The following CRYBG3 variants were observed in gnomAD, a reference collection of about 807,000 sequenced individuals.
CRYBG3 encodes crystallin beta-gamma domain containing 3, also known as very large A-kinase anchor protein.
CRYBG3 carries 127 observed loss-of-function variants against 244.2 expected under a neutral mutation model. That is an observed-to-expected ratio of 0.52 (90% CI 0.45 to 0.60). The LOEUF (loss-of-function observed/expected upper bound fraction) is 0.60, where lower values mean the gene tolerates loss of function less well. Among genes scored for constraint, CRYBG3 ranks in the 20% least tolerant of loss-of-function variants. The pLI, the probability that CRYBG3 is intolerant of heterozygous loss-of-function variation, is 0.00. For missense variants in CRYBG3, 3,325 were observed against 3,442.5 expected (o/e 0.97, Z 0.85); for synonymous variants, 1,132 against 1,195.8 (o/e 0.95, Z 1.10).
chr3:97,915,463 G>A (rs930720208), intron 16 of CRYBG3, 147 bp from the exon 17 acceptor site: 1 of 617,190 alleles, frequency 1.6e-6, no homozygotes, highest in East Asian at 2.9e-5. Flanking sequence ...GGTAGCTGTT[G>A]TGTTTTTTGT....
At chr3:97,935,358 ACCTG>A (rs2040152025) in intron 18 of CRYBG3, among the ~76,000 whole-genome samples, 1 of 152,044 alleles carries the variant, frequency 6.6e-6, no homozygotes, top group Non-Finnish European at 1.5e-5. Flanking sequence ...GGTCATGCTG[ACCTG>A]CCTCTCCACC....
At chr3:97,907,081 T>C (rs1023149620) in intron 15 of CRYBG3, among the ~76,000 whole-genome samples, 1 of 152,184 alleles carries the variant, frequency 6.6e-6, no homozygotes, top group African/African-American at 2.4e-5. Context: ...CAGCCTTGCA[T>C]CCCAGGGATG....
At chr3:97,837,839 T>G (rs2038755877) in intron 1 of CRYBG3, among the ~76,000 whole-genome samples, 1 of 152,172 alleles carries the variant, frequency 6.6e-6, no homozygotes, top group Admixed American at 6.5e-5. Context: ...AAGACGCTTA[T>G]GGAAGCTGTA....
intron 15 of CRYBG3, among the ~76,000 whole-genome samples, chr3:97,910,158 A>T (rs537280714): frequency 6.6e-6 from 1 of 151,542 alleles, no homozygotes; most frequent in Non-Finnish European, 1.5e-5. Flanking sequence ...CAAAGCTGTC[A>T]GACAGGGACA....
chr3:97,914,365 G>T (rs1184082992), intron 16 of CRYBG3, among the ~76,000 whole-genome samples: 1 of 152,142 alleles, frequency 6.6e-6, no homozygotes, highest in Non-Finnish European at 1.5e-5. Flanking sequence ...CAAGATTTAG[G>T]ATCATTGTTA....
chr3:97,832,065 G>A lies in CRYBG3; in HGVS notation c.149+9710G>A, dbSNP rs529142496. ...TCCATAACCTAACCTCTCAATGATG[G>A]CTATGAGGAAATAATTGCTTGCTCG... On this transcript the variant is annotated intron_variant, in intron 1 of 21. Transcript: ENST00000389622. Among the ~76,000 whole-genome samples, 4 of 151,944 alleles carry A rather than the reference G, an allele frequency of 2.6e-5. No homozygotes were observed. In the South Asian group the frequency reaches 6.2e-4, roughly 24 times the overall value.
intron 1 of CRYBG3, among the ~76,000 whole-genome samples, chr3:97,824,868 A>T (rs1021002903): frequency 2.0e-5 from 3 of 152,216 alleles, no homozygotes; most frequent in African/African-American, 7.2e-5. Flanking sequence ...CAGTTTGAGA[A>T]TCACTGGTGC....
Position 97,877,792 on chromosome 3 carries a change from C to T in CRYBG3, c.6598C>T (p.Pro2200Ser), listed in dbSNP as rs185535219. 3.2e-4 allele frequency: 515 copies of T among 1,614,020 alleles called. 2 individuals carry two copies. Among genetic ancestry groups the T allele is most frequent in the Non-Finnish European group, 3.7e-4 (431 of 1,179,948 alleles). ...AATTTCTAAGAATTCATATGTGATG[C>T]CAAATGAACCTACTACCTCCAATCT... ...VGISKNSYVM[P>S]NEPTTSNLQV... Residue 2200 changes from proline (P) to serine (S), a missense_variant, in exon 4 of 22, where the codon CCA (proline) becomes TCA (serine). Around this residue, in one of 4 missense-constraint regions of CRYBG3, gnomAD observed 450 missense variants for 424.1 expected, o/e 1.06. Coordinates refer to ENST00000389622, the MANE Select transcript of CRYBG3 (RefSeq NM_153605.4).
rs1447735537 is a variant in CRYBG3 at position 97,822,142 on chromosome 3, C to T, written c.-65C>T. On this transcript the variant is annotated 5_prime_UTR_variant, in exon 1 of 22. Transcript: ENST00000389622. ...CATCCCGCGGCGCCCGGTCGGGCTC[C>T]GGGCACCAGGCAACACCTAGGCCGT... 7 of 1,357,062 alleles carry T rather than the reference C, an allele frequency of 5.2e-6. No individual in the cohort carries two copies. In the African/African-American group the frequency reaches 9.1e-5, roughly 18 times the overall value. The allele number at this position is 1,357,062 out of a possible 1,614,324, so 84.1% of individuals were successfully genotyped here.
chr3:97,875,769 A>T lies in CRYBG3; in HGVS notation c.4575A>T (p.Val1525=). The stretch of plus-strand genomic sequence containing the variant: ...TTGCAATGTCAGATGTAGGGAAAGT[A>T]CACAAGAAGGATAATGAAATAAATA... The part of the protein sequence containing the change: ...TPLAMSDVGK[V]HKKDNEINIG... Residue 1525 remains valine, a synonymous_variant, in exon 4 of 22, where the codon GTA becomes GTT. Coordinates refer to ENST00000389622, the MANE Select transcript of CRYBG3 (RefSeq NM_153605.4). 8.1e-7 allele frequency: 1 copy of T among 1,231,928 alleles called. No individual in the cohort carries two copies. The highest frequency in any genetic ancestry group is 1.0e-6 in the Non-Finnish European group (1 of 987,856). The allele number at this position is 1,231,928 out of a possible 1,614,324, so 76.3% of individuals were successfully genotyped here.
chr3:97,850,254 T>C (rs2038965367), intron 2 of CRYBG3, among the ~76,000 whole-genome samples: 1 of 152,104 alleles, frequency 6.6e-6, no homozygotes, highest in Non-Finnish European at 1.5e-5. Flanking sequence ...ACTATATAAC[T>C]CATACTTTTC....
rs756640880 is a variant in CRYBG3 at position 97,872,905 on chromosome 3, G to A, written c.1711G>A (p.Asp571Asn). The change falls in exon 4 of 22, where the codon GAT (aspartate) becomes AAT (asparagine). Residue 571 changes from aspartate to asparagine, a missense_variant. Physicochemically the swap from Asp to Asn is conservative, Grantham distance 23. Around this residue, in one of 4 missense-constraint regions of CRYBG3, gnomAD observed 1,526 missense variants for 1,443.2 expected, o/e 1.06. Coordinates refer to ENST00000389622, the MANE Select transcript of CRYBG3 (RefSeq NM_153605.4). Reference sequence around the variant, plus strand: ...CTTTGAAACCAAAGCCAAAAAGCTTGATTTTAGGTCACATGATAAAATTCC... The same window carrying A: ...CTTTGAAACCAAAGCCAAAAAGCTTAATTTTAGGTCACATGATAAAATTCC... The part of the protein sequence containing the change: ...QYFETKAKKL[D>N]FRSHDKIPHI... The A allele has an allele frequency of 2.5e-5, 38 of 1,529,928 alleles. No homozygotes were observed. In the East Asian group the frequency reaches 9.3e-4, roughly 37 times the overall value. The allele number at this position is 1,529,928 out of a possible 1,614,324, so 94.8% of individuals were successfully genotyped here.
In CRYBG3 at chr3:97,899,215, C is replaced by G. The variant is rs1459021586; in HGVS notation, c.7923C>G (p.Asp2641Glu). 1.2e-6 allele frequency: 2 copies of G among 1,613,246 alleles called. No homozygotes were observed. Among genetic ancestry groups the G allele is most frequent in the Admixed American group, 1.7e-5 (1 of 59,904 alleles). The change falls in exon 14 of 22, where the codon GAC becomes GAG. Residue 2641 changes from aspartate to glutamate, a missense_variant. Asp to Glu is a conservative substitution (Grantham distance 45). Transcript: ENST00000389622. The stretch of plus-strand genomic sequence containing the variant: ...AAGGGAAATACAAATGCTTTTTTGA[C>G]TGGGGAGGATCAAATAATATAATCA... ...LEKGKYKCFFDWGGSNNIIMS... is the reference protein window; with the variant it reads ...LEKGKYKCFFEWGGSNNIIMS...
chr3:97,846,859 T>G (rs1448239687), intron 2 of CRYBG3, among the ~76,000 whole-genome samples: 3 of 152,216 alleles, frequency 2.0e-5, no homozygotes, highest in African/African-American at 7.2e-5. Flanking sequence ...CCTGCTATAT[T>G]CAGCTGTTTT....
At chr3:97,898,232 AAAAG>A (rs1191105576) in intron 12 of CRYBG3, among the ~76,000 whole-genome samples, 6 of 152,044 alleles carry the variant, frequency 3.9e-5, no homozygotes, top group Admixed American at 1.3e-4. Flanking sequence ...AAAAAAAAAA[AAAAG>A]AAAGAAAGTT....
Position 97,936,781 on chromosome 3 carries a change from A to T in CRYBG3, c.8382-4A>T, listed in dbSNP as rs933545695. On this transcript the variant is annotated splice_polypyrimidine_tract_variant and splice_region_variant and intron_variant, in intron 18 of 21. Coordinates refer to ENST00000389622, the MANE Select transcript of CRYBG3 (RefSeq NM_153605.4). ...CACTACTTTTTTCTTTCTTGTTCTC[A>T]TAGATGGATAGCTTATGAAGGATCC... 6 of 1,610,760 alleles carry T rather than the reference A, an allele frequency of 3.7e-6. No individual in the cohort carries two copies. The highest frequency in any genetic ancestry group is 1.7e-5 in the Admixed American group (1 of 59,318).
At chr3:97,919,355 A>C (rs959968) in intron 17 of CRYBG3, among the ~76,000 whole-genome samples, 36,569 of 152,040 alleles carry the variant, frequency 0.24, 4,717 homozygotes, top group Middle Eastern at 0.33. Flanking sequence ...CTATGTAAGC[A>C]TCTGGGAAAA....
chr3:97,872,638 A>G lies in CRYBG3; in HGVS notation c.1444A>G (p.Ser482Gly), dbSNP rs1275720693. Residue 482 changes from serine to glycine, a missense_variant, in exon 4 of 22, where the codon AGC becomes GGC. Around this residue, in one of 4 missense-constraint regions of CRYBG3, gnomAD observed 1,526 missense variants for 1,443.2 expected, o/e 1.06. Transcript: ENST00000389622. ...SECSDKQTID[S>G]SSKQAATHTN... ...GTGTTCTGACAAGCAAACCATAGAT[A>G]GCTCATCAAAGCAAGCTGCCACTCA... The G allele has an allele frequency of 3.9e-6, 6 of 1,535,796 alleles. No homozygotes were observed. The highest frequency in any genetic ancestry group is 8.7e-7 in the Non-Finnish European group (1 of 1,146,760).
Position 97,822,108 on chromosome 3 carries a change from C to A in CRYBG3, c.-99C>A, listed in dbSNP as rs1017958899. On this transcript the variant is annotated 5_prime_UTR_variant, in exon 1 of 22. Coordinates refer to ENST00000389622, the MANE Select transcript of CRYBG3 (RefSeq NM_153605.4). ...TGGCAGCTCGCGTCGAGTCGGTCTG[C>A]CCTAGCCGCATCCCGCGGCGCCCGG... is the stretch of plus-strand genomic sequence containing the variant. 1.1e-5 allele frequency: 13 copies of A among 1,159,662 alleles called. No individual in the cohort carries two copies. The highest frequency in any genetic ancestry group is 1.5e-5 in the Non-Finnish European group (13 of 872,602). 71.8% of individuals were successfully genotyped at this position (1,159,662 alleles called of 1,614,324 possible).
Sources: gnomAD v4.1 joint callset for allele counts (sites outside exome capture counted in the v4.1 genomes callset) on GRCh38, gnomAD v4.1.1 for gene constraint, gnomAD v4.1.1 regional missense constraint, MANE v1.5 for transcripts, NCBI Gene and HGNC (gene_info 2026-07-23, HGNC 2026-07-21) for gene names.